Variants in USP44 observed in about 807,000 individuals in gnomAD.
The protein encoded by USP44 is ubiquitin specific peptidase 44, also known as ubiquitin carboxyl-terminal hydrolase 44.
USP44 carries 61 observed loss-of-function variants against 69.0 expected under a neutral mutation model. That is an observed-to-expected ratio of 0.88 (90% CI 0.72 to 1.09). The LOEUF is 1.09. USP44 is among the 50% of genes least tolerant of loss of function. USP44 has a pLI of 0.00. For missense variants in USP44, 753 were observed against 849.9 expected (o/e 0.89, Z 1.42); for synonymous variants, 297 against 295.4 (o/e 1.01, Z -0.06).
chr12:95,541,134 C>G (rs2140345978), intron 1 of USP44, among the ~76,000 whole-genome samples: 1 of 152,262 alleles, frequency 6.6e-6, no homozygotes, highest in Non-Finnish European at 1.5e-5. Context: ...AAAAAATTAG[C>G]CGGGCATGGT....
chr12:95,535,816 A>G (rs1200311139), intron 1 of USP44, among the ~76,000 whole-genome samples: 1 of 152,166 alleles, frequency 6.6e-6, no homozygotes, highest in African/African-American at 2.4e-5. Flanking sequence ...CCTATGTATC[A>G]TGACCAAGGC....
At chr12:95,518,634 T>C (rs1565797427) in intron 5 of USP44, among the ~76,000 whole-genome samples, 1 of 152,186 alleles carries the variant, frequency 6.6e-6, no homozygotes, top group African/African-American at 2.4e-5. Flanking sequence ...TCATACAGGA[T>C]GATCATCCCT....
chr12:95,529,003 C>A lies in USP44; in HGVS notation c.1429-1G>T. ...TGTTGTCACATGCAAGACATGTAAC[C>A]TGCAAATGAGAATATGAGTTCCTAA... On this transcript the variant is annotated splice_acceptor_variant, in intron 2 of 5. Coordinates refer to ENST00000258499, the MANE Select transcript of USP44 (RefSeq NM_032147.5). LOFTEE classifies it high-confidence loss of function. 1 of 1,604,916 alleles carries A rather than the reference C, an allele frequency of 6.2e-7. No homozygotes were observed. Among genetic ancestry groups the A allele is most frequent in the South Asian group, 1.1e-5 (1 of 89,354 alleles).
At chr12:95,539,281 A>G (rs1326398924) in intron 1 of USP44, among the ~76,000 whole-genome samples, 1 of 147,146 alleles carries the variant, frequency 6.8e-6, no homozygotes, top group Non-Finnish European at 1.5e-5. Flanking sequence ...GCTGGAGTGC[A>G]GTGGCGCGAT....
intron 1 of USP44, among the ~76,000 whole-genome samples, chr12:95,549,356 G>A (rs2077680681): frequency 6.6e-6 from 1 of 152,144 alleles, no homozygotes; most frequent in South Asian, 2.1e-4. Flanking sequence ...GTTCCAGAAC[G>A]GGCACAGGAA....
chr12:95,532,386 T>C (rs960725272), intron 2 of USP44, among the ~76,000 whole-genome samples: 1 of 152,084 alleles, frequency 6.6e-6, no homozygotes, highest in African/African-American at 2.4e-5. Context: ...CAGGCTGGTC[T>C]TGAACTCCTG....
At position 95,536,718 on chromosome 12, in the gene USP44, C is replaced by T. The variant is rs185789265; in HGVS notation, c.-70-2392G>A. On this transcript the variant is annotated intron_variant, in intron 1 of 5. Coordinates refer to ENST00000258499, the MANE Select transcript of USP44 (RefSeq NM_032147.5). The stretch of plus-strand genomic sequence containing the variant: ...GTAAGGCTCCCAGATGGTCTCTCCA[C>T]TTCTGTCCTTACTGCCACCAACAGT... Among the ~76,000 whole-genome samples, 368 of 152,328 alleles carry T rather than the reference C, an allele frequency of 2.4e-3. 1 individual carries two copies. Among genetic ancestry groups the T allele is most frequent in the Non-Finnish European group, 4.0e-3 (274 of 68,038 alleles).
At position 95,548,016 on chromosome 12, in the gene USP44, C is replaced by T. The variant is rs2077628532; in HGVS notation, c.-71+3256G>A. ...AAATTTGAACGTATTAACAGGTTCC[C>T]CTCCGCGCACACTGACATATTTCTT... On this transcript the variant is annotated intron_variant, in intron 1 of 5. Coordinates refer to ENST00000258499, the MANE Select transcript of USP44 (RefSeq NM_032147.5). This position sits in a 1 kb window ranked among gnomAD's most constrained non-coding sequence, Gnocchi z 4.1. The T allele has an allele frequency of 6.6e-6, 1 of 152,152 alleles. No individual in the cohort carries two copies. The highest frequency in any genetic ancestry group is 1.5e-5 in the Non-Finnish European group (1 of 68,086). 9.4% of individuals were successfully genotyped at this position (152,152 alleles called of 1,614,324 possible).
At chr12:95,523,243 G>T (rs1215163299) in intron 4 of USP44, among the ~76,000 whole-genome samples, 13 of 152,108 alleles carry the variant, frequency 8.5e-5, no homozygotes, top group Admixed American at 7.9e-4. Flanking sequence ...TCAAACCAGG[G>T]GAGCAGCTTG....
chr12:95,536,505 T>G (rs557443121), intron 1 of USP44, among the ~76,000 whole-genome samples: 8 of 152,290 alleles, frequency 5.3e-5, no homozygotes, highest in Admixed American at 3.3e-4. Flanking sequence ...TATATTCCAC[T>G]ATCCCATATC....
rs770109903 is a variant in USP44, at chr12:95,528,852, T to C, written c.1579A>G (p.Thr527Ala). ...VTEMLAKFTE[T>A]EALEGKIYVC... Reference sequence around the variant, plus strand: ...TAGATTTTTCCTTCTAAAGCTTCAGTTTCTGTAAATTTGGCCAACATTTCA... The same window carrying C: ...TAGATTTTTCCTTCTAAAGCTTCAGCTTCTGTAAATTTGGCCAACATTTCA... The change falls in exon 3 of 6, where the codon ACT becomes GCT. Residue 527 changes from threonine to alanine, a missense_variant. Coordinates refer to ENST00000258499, the MANE Select transcript of USP44 (RefSeq NM_032147.5). 6.2e-7 allele frequency: 1 copy of C among 1,614,054 alleles called. No individual in the cohort carries two copies. The highest frequency in any genetic ancestry group is 1.1e-5 in the South Asian group (1 of 91,072).
chr12:95,533,728 C>G lies in USP44; in HGVS notation c.529G>C (p.Glu177Gln). 6.2e-7 allele frequency: 1 copy of G among 1,614,046 alleles called. No individual in the cohort carries two copies. The highest frequency in any genetic ancestry group is 8.5e-7 in the Non-Finnish European group (1 of 1,180,012). The part of the protein sequence containing the change: ...EQSPIGRKKQ[E>Q]EPFQEKIVVK... ...ACTATTTTTTCCTGAAATGGTTCTTCTTGCTTTTTTCTTCCAATGGGTGAT... is the reference window on the plus strand; with the variant it reads ...ACTATTTTTTCCTGAAATGGTTCTTGTTGCTTTTTTCTTCCAATGGGTGAT... The change falls in exon 2 of 6, where the codon GAA becomes CAA. Residue 177 changes from glutamate (E) to glutamine (Q), a missense_variant. Coordinates refer to ENST00000258499, the MANE Select transcript of USP44 (RefSeq NM_032147.5).
At chr12:95,523,783 G>T (rs2076743893) in intron 4 of USP44, among the ~76,000 whole-genome samples, 1 of 151,904 alleles carries the variant, frequency 6.6e-6, no homozygotes, top group Non-Finnish European at 1.5e-5. Context: ...CTGAAGAGGG[G>T]AAAGGAACAA....
At position 95,533,602 on chromosome 12, in the gene USP44, G is replaced by A. The variant is rs1479897349; in HGVS notation, c.655C>T (p.Leu219Phe). 2 of 1,613,658 alleles carry A rather than the reference G, an allele frequency of 1.2e-6. No individual in the cohort carries two copies. Among genetic ancestry groups the A allele is most frequent in the Non-Finnish European group, 1.7e-6 (2 of 1,180,028 alleles). Reference protein sequence around the residue: ...PPRKSLRLQGLAQSTIIEIVS... With the variant: ...PPRKSLRLQGFAQSTIIEIVS... ...ATTTCTATTATGGTCGACTGAGCGA[G>A]CCCTTGTAAACGTAAACTCTTTCTT... Residue 219 changes from leucine to phenylalanine, a missense_variant, in exon 2 of 6, where the codon CTC becomes TTC. By Grantham distance (22) the Leu-to-Phe change is conservative. Transcript: ENST00000258499.
intron 1 of USP44, among the ~76,000 whole-genome samples, chr12:95,542,371 G>A (rs563725794): frequency 6.6e-6 from 1 of 152,274 alleles, no homozygotes; most frequent in Admixed American, 6.5e-5. Flanking sequence ...GCTTTATGAA[G>A]ATTGTATAGA....
chr12:95,519,798 G>T (rs1358803934), intron 5 of USP44, among the ~76,000 whole-genome samples: 3 of 150,602 alleles, frequency 2.0e-5, no homozygotes, highest in Non-Finnish European at 3.0e-5. Context: ...CCGGCACTTT[G>T]GGAGACCAAG....
At position 95,533,635 on chromosome 12, in the gene USP44, T is replaced by A; in HGVS notation, c.622A>T (p.Met208Leu). 6.2e-7 allele frequency: 1 copy of A among 1,613,898 alleles called. No individual in the cohort carries two copies. The highest frequency in any genetic ancestry group is 8.5e-7 in the Non-Finnish European group (1 of 1,180,040). The change falls in exon 2 of 6, where the codon ATG becomes TTG. Residue 208 changes from methionine to leucine, a missense_variant. Physicochemically the swap from Met to Leu is conservative, Grantham distance 15. Transcript: ENST00000258499. ...AAACGTAAACTCTTTCTTGGAGGCATACTTTCCAATTCTGCTTTAACTTGA... is the reference window on the plus strand; with the variant it reads ...AAACGTAAACTCTTTCTTGGAGGCAAACTTTCCAATTCTGCTTTAACTTGA... ...EYQVKAELES[M>L]PPRKSLRLQG...
chr12:95,525,261 G>A lies in USP44; in HGVS notation c.1625-473C>T, dbSNP rs1226724909. Among the ~76,000 whole-genome samples the A allele has an allele frequency of 5.3e-5, 8 of 152,078 alleles. No individual in the cohort carries two copies. In the East Asian group the frequency reaches 9.7e-4, roughly 18 times the overall value. Reference sequence around the variant, plus strand: ...TAATTTTTGTATTTTTAGTAGAGACGGGGTTTCACTATGTTGGCCAGGCTG... The same window carrying A: ...TAATTTTTGTATTTTTAGTAGAGACAGGGTTTCACTATGTTGGCCAGGCTG... On this transcript the variant is annotated intron_variant, in intron 3 of 5. Coordinates refer to ENST00000258499, the MANE Select transcript of USP44 (RefSeq NM_032147.5).
At position 95,519,432 on chromosome 12, in the gene USP44, ATTTTTTTTTTT is replaced by A. The variant is rs60940181; in HGVS notation, c.1940-1090_1940-1080del. 1.3e-4 allele frequency among the ~76,000 whole-genome samples: 11 copies of A among 84,546 alleles called. No individual in the cohort carries two copies. In the Admixed American group the frequency reaches 1.7e-3, roughly 13 times the overall value. 55.5% of individuals were successfully genotyped at this position (84,546 alleles called of 152,430 possible). On this transcript the variant is annotated intron_variant, in intron 5 of 5. Coordinates refer to ENST00000258499, the MANE Select transcript of USP44 (RefSeq NM_032147.5). ...TTCAGACAAGGTATACTCAATCTGT[ATTTTTTTTTTT>A]TTTTTTTTTTTTTTGAGATGGAGTC...
Sources: gnomAD v4.1 joint callset for allele counts (sites outside exome capture counted in the v4.1 genomes callset) on GRCh38, gnomAD v4.1.1 for gene constraint, Gnocchi (gnomAD v3.1) non-coding constraint, MANE v1.5 for transcripts, NCBI Gene and HGNC (gene_info 2026-07-23, HGNC 2026-07-21) for gene names.